The following XPR1 variants were observed in gnomAD, a reference collection of about 807,000 sequenced individuals.
XPR1 encodes the protein xenotropic and polytropic retrovirus receptor 1.
Under a neutral mutation model 87.5 loss-of-function variants are expected in XPR1, and 28 were observed. The ratio of observed to expected loss-of-function variants is 0.32; its 90% CI spans 0.24 to 0.44. The LOEUF (loss-of-function observed/expected upper bound fraction) is 0.44, where lower values mean the gene tolerates loss of function less well. Among genes scored for constraint, XPR1 ranks in the 20% least tolerant of loss-of-function variants. The pLI is 1.00. For missense variants in XPR1, 559 were observed against 862.3 expected (o/e 0.65, Z 4.41); for synonymous variants, 300 against 306.1 (o/e 0.98, Z 0.21).
intron 13 of XPR1, chr1:180,878,155 A>G (rs1652720567): frequency 6.6e-6 from 1 of 152,186 alleles, no homozygotes. Flanking sequence ...TTTCTCTTTC[A>G]TGTGTGCTAC....
chr1:180,791,776 T>A lies in XPR1; in HGVS notation c.223+3922T>A, dbSNP rs185076873. ...TATTTTTCTATTCTATTTGATTTTTTAAATGCTAATTATGATCCACTAAAT... is the reference window on the plus strand; with the variant it reads ...TATTTTTCTATTCTATTTGATTTTTAAAATGCTAATTATGATCCACTAAAT... On this transcript the variant is annotated intron_variant, in intron 3 of 14. Transcript: ENST00000367590. Among the ~76,000 whole-genome samples, 1,182 of 152,362 alleles carry A rather than the reference T, an allele frequency of 7.8e-3. 16 individuals carry two copies. The highest frequency in any genetic ancestry group is 0.027 in the African/African-American group (1,129 of 41,582).
At chr1:180,730,257 T>C (rs534363103) in intron 2 of XPR1, among the ~76,000 whole-genome samples, 1 of 152,340 alleles carries the variant, frequency 6.6e-6, no homozygotes, top group South Asian at 2.1e-4. Context: ...GTGTCTGCTT[T>C]TGTACCAGTA....
intron 11 of XPR1, among the ~76,000 whole-genome samples, chr1:180,849,846 TGTTA>T (rs772388931): frequency 7.9e-5 from 12 of 152,128 alleles, no homozygotes; most frequent in African/African-American, 1.7e-4. Flanking sequence ...GACAGTCAAG[TGTTA>T]GTTATACTTC....
At chr1:180,669,776 A>G (rs927382532) in intron 1 of XPR1, among the ~76,000 whole-genome samples, 12 of 152,276 alleles carry the variant, frequency 7.9e-5, no homozygotes, top group African/African-American at 2.6e-4. Flanking sequence ...CCATACATAT[A>G]TATGTATGAT....
intron 1 of XPR1, among the ~76,000 whole-genome samples, chr1:180,652,009 A>G (rs562743651): frequency 6.6e-6 from 1 of 152,254 alleles, no homozygotes; most frequent in East Asian, 1.9e-4. Context: ...TTGAAGTGAC[A>G]GGCCAGGCGT....
chr1:180,832,825 G>A (rs1651119545), intron 9 of XPR1, among the ~76,000 whole-genome samples: 1 of 152,134 alleles, frequency 6.6e-6, no homozygotes, highest in Admixed American at 6.6e-5. Context: ...TTTTTGCTTA[G>A]GATTGTCTTG....
intron 2 of XPR1, among the ~76,000 whole-genome samples, chr1:180,685,281 A>G (rs1047468395): frequency 5.3e-5 from 8 of 152,086 alleles, no homozygotes. Context: ...TATATGTTGG[A>G]TTACATTTAT....
intron 2 of XPR1, among the ~76,000 whole-genome samples, chr1:180,776,293 C>G (rs1646318473): frequency 6.6e-6 from 1 of 151,978 alleles, no homozygotes; most frequent in South Asian, 2.1e-4. Flanking sequence ...TTTATGTTAA[C>G]AATATTTCTT....
chr1:180,633,055 G>T (rs1406528454), intron 1 of XPR1, among the ~76,000 whole-genome samples: 2 of 152,154 alleles, frequency 1.3e-5, no homozygotes, highest in African/African-American at 4.8e-5. Context: ...TTTGCTAGCT[G>T]GGGAGAAAAT....
At chr1:180,785,743 A>G (rs114591297) in intron 2 of XPR1, among the ~76,000 whole-genome samples, 10 of 152,080 alleles carry the variant, frequency 6.6e-5, no homozygotes, top group Non-Finnish European at 1.2e-4. Context: ...TTGTCTGTTA[A>G]GAGGAAAACA....
chr1:180,695,408 TTGTG>T lies in XPR1; in HGVS notation c.121+13027_121+13030del, dbSNP rs1205037869. On this transcript the variant is annotated intron_variant, in intron 2 of 14. Coordinates refer to ENST00000367590, the MANE Select transcript of XPR1 (RefSeq NM_004736.4). ...GCCTTTTAGTTTAATGTAGTCCCAT[TTGTG>T]TGTGTGTGTGTGTGTGTGTGTGTGT... 2.2e-3 allele frequency among the ~76,000 whole-genome samples: 331 copies of T among 148,540 alleles called. 2 individuals carry two copies. Among genetic ancestry groups the T allele is most frequent in the Middle Eastern group, 6.9e-3 (2 of 290 alleles).
chr1:180,745,013 C>T (rs768311375), intron 2 of XPR1, among the ~76,000 whole-genome samples: 1 of 152,132 alleles, frequency 6.6e-6, no homozygotes, highest in Non-Finnish European at 1.5e-5. Context: ...GTGTTGTTTT[C>T]AAAGCCTTTG....
At chr1:180,850,763 G>A (rs577095968) in intron 11 of XPR1, among the ~76,000 whole-genome samples, 1 of 152,198 alleles carries the variant, frequency 6.6e-6, no homozygotes, top group East Asian at 1.9e-4. Context: ...TTCGAGACTA[G>A]CTTGGGCAAC....
chr1:180,865,937 C>T (rs1652375195), intron 12 of XPR1, among the ~76,000 whole-genome samples: 1 of 152,122 alleles, frequency 6.6e-6, no homozygotes, highest in South Asian at 2.1e-4. Flanking sequence ...ACTGGCCAGA[C>T]GTGGTGGCTC....
chr1:180,751,946 G>C (rs1328102158), intron 2 of XPR1, among the ~76,000 whole-genome samples: 2 of 152,116 alleles, frequency 1.3e-5, no homozygotes, highest in East Asian at 1.9e-4. Context: ...TAATGTCTAA[G>C]GGGAATAAAC....
chr1:180,782,591 T>A (rs1294965772), intron 2 of XPR1, among the ~76,000 whole-genome samples: 2 of 151,796 alleles, frequency 1.3e-5, no homozygotes, highest in Non-Finnish European at 2.9e-5. Flanking sequence ...ATCTCTGGTG[T>A]CTCTTTTTTT....
chr1:180,759,363 G>A (rs566164246), intron 2 of XPR1, among the ~76,000 whole-genome samples: 295 of 152,096 alleles, frequency 1.9e-3, no homozygotes, highest in Admixed American at 3.1e-3. Flanking sequence ...TCGATAGACC[G>A]CTAGTAAGAC....
intron 2 of XPR1, among the ~76,000 whole-genome samples, chr1:180,767,858 T>C (rs1431353969): frequency 6.6e-6 from 1 of 152,096 alleles, no homozygotes; most frequent in Non-Finnish European, 1.5e-5. Context: ...ACTTTTTTTT[T>C]TTTTGAGACG....
At chr1:180,815,262 G>A (rs1650367339) in intron 7 of XPR1, among the ~76,000 whole-genome samples, 1 of 151,392 alleles carries the variant, frequency 6.6e-6, no homozygotes, top group Non-Finnish European at 1.5e-5. Flanking sequence ...TTTTTGTTTA[G>A]TATATACAGA....
Sources: allele counts gnomAD v4.1 joint callset (sites outside exome capture counted in the v4.1 genomes callset), GRCh38; gene constraint gnomAD v4.1.1; transcripts MANE v1.5; gene names NCBI Gene and HGNC (gene_info 2026-07-23, HGNC 2026-07-21).